Variants in HHAT observed in about 807,000 individuals in gnomAD.
HHAT encodes the protein hedgehog acyltransferase.
Under a neutral mutation model 70.8 loss-of-function variants are expected in HHAT, and 47 were observed. That is an observed-to-expected ratio of 0.66 (90% CI 0.53 to 0.85). The LOEUF (loss-of-function observed/expected upper bound fraction) is 0.85. Among genes scored for constraint, HHAT ranks in the 40% least tolerant of loss-of-function variants. The pLI is 0.00. For synonymous variants in HHAT, 228 were observed against 247.6 expected (o/e 0.92, Z 0.74); for missense variants, 609 against 604.8 (o/e 1.01, Z -0.07).
chr1:210,333,660 A>ATTT (rs572247937), intron 1 of HHAT, among the ~76,000 whole-genome samples: 5 of 145,320 alleles, frequency 3.4e-5, no homozygotes, highest in African/African-American at 1.3e-4. Context: ...TACTACTATG[A>ATTT]TTTTTTTTTT....
chr1:210,374,077 C>T (rs539186126), intron 3 of HHAT: 4 of 152,208 alleles, frequency 2.6e-5, no homozygotes, highest in Non-Finnish European at 5.9e-5. Flanking sequence ...TTTAAACAAA[C>T]AGTGACAATG....
chr1:210,580,184 A>G (rs1328933026), intron 9 of HHAT, among the ~76,000 whole-genome samples: 1 of 152,210 alleles, frequency 6.6e-6, no homozygotes, highest in African/African-American at 2.4e-5. Flanking sequence ...AGCCCAGCTC[A>G]AAATATTTTC....
intron 11 of HHAT, among the ~76,000 whole-genome samples, chr1:210,626,293 C>CGGTCTGCT (rs1558304460): frequency 6.6e-6 from 1 of 152,170 alleles, no homozygotes; most frequent in Non-Finnish European, 1.5e-5. Context: ...TCTGAAAACC[C>CGGTCTGCT]GGTCTGCTGC....
intron 9 of HHAT, among the ~76,000 whole-genome samples, chr1:210,566,992 C>T (rs1368895883): frequency 2.0e-5 from 3 of 152,230 alleles, no homozygotes; most frequent in Admixed American, 6.5e-5. Flanking sequence ...CCTCCCACCC[C>T]TTGATGCTTC....
At chr1:210,576,424 T>C (rs550269142) in intron 9 of HHAT, among the ~76,000 whole-genome samples, 1 of 150,338 alleles carries the variant, frequency 6.7e-6, no homozygotes, top group South Asian at 2.1e-4. Flanking sequence ...CCTGTACCCC[T>C]TTGGGGTGTG....
At chr1:210,384,081 G>GC (rs1014750111) in intron 3 of HHAT, among the ~76,000 whole-genome samples, 1 of 152,114 alleles carries the variant, frequency 6.6e-6, no homozygotes, top group East Asian at 1.9e-4. Context: ...CAAACACTAG[G>GC]CCCAGACCCT....
intron 3 of HHAT, among the ~76,000 whole-genome samples, chr1:210,376,820 A>G (rs1423511493): frequency 6.6e-6 from 1 of 152,206 alleles, no homozygotes; most frequent in Non-Finnish European, 1.5e-5. Context: ...CAGTGTGTAA[A>G]GTAGAAAGGT....
chr1:210,657,174 TCCACAGCCACCTACTGCA>T (rs1162302299), intron 11 of HHAT, among the ~76,000 whole-genome samples: 1 of 152,172 alleles, frequency 6.6e-6, no homozygotes, highest in Non-Finnish European at 1.5e-5. Context: ...GAGAAATGGC[TCCACAGCCACCTACTGCA>T]CCACAGGCAC....
At chr1:210,487,493 T>C (rs944265684) in intron 8 of HHAT, among the ~76,000 whole-genome samples, 1 of 152,154 alleles carries the variant, frequency 6.6e-6, no homozygotes, top group African/African-American at 2.4e-5. Context: ...CAGAGTCCCA[T>C]TCTCTTCCAA....
In HHAT at chr1:210,381,842, T is replaced by C. The variant is rs544512345; in HGVS notation, c.160-5626T>C. ...AGAACTGGTGGACTGAGCTAACTGA[T>C]GTGGCTACAGGGTGAATTTCTCTCA... On this transcript the variant is annotated intron_variant, in intron 3 of 11. Transcript: ENST00000261458. Among the ~76,000 whole-genome samples the C allele has an allele frequency of 5.1e-4, 78 of 152,064 alleles. 1 individual carries two copies. Among genetic ancestry groups the C allele is most frequent in the Non-Finnish European group, 8.2e-4 (56 of 68,016 alleles).
At chr1:210,569,066 T>C (rs576921839) in intron 9 of HHAT, among the ~76,000 whole-genome samples, 5 of 152,142 alleles carry the variant, frequency 3.3e-5, no homozygotes, top group African/African-American at 1.2e-4. Flanking sequence ...CCCCCACACA[T>C]GAGGTGTCAG....
intron 7 of HHAT, chr1:210,439,671 G>T (rs1464734965): frequency 6.6e-6 from 1 of 151,920 alleles, no homozygotes; most frequent in Non-Finnish European, 1.5e-5. Flanking sequence ...AGACAGTGAG[G>T]CGTGATGAGC....
At chr1:210,462,255 T>C (rs1188553349) in intron 7 of HHAT, 2 of 152,226 alleles carry the variant, frequency 1.3e-5, no homozygotes, top group Non-Finnish European at 2.9e-5. Context: ...CCATGCATAG[T>C]CTTCCATAGG....
intron 9 of HHAT, among the ~76,000 whole-genome samples, chr1:210,527,693 C>T (rs1447915574): frequency 6.6e-6 from 1 of 152,226 alleles, no homozygotes; most frequent in African/African-American, 2.4e-5. Context: ...TTGCTTTCTA[C>T]TGCAATTTCC....
At chr1:210,597,460 C>T (rs1014093542) in intron 10 of HHAT, among the ~76,000 whole-genome samples, 3 of 84,184 alleles carry the variant, frequency 3.6e-5, no homozygotes, top group Non-Finnish European at 6.5e-5. Context: ...AGATGCCATC[C>T]AGGAGCCAGG....
chr1:210,494,542 C>CTTTTTGTTTTTTTTTTTT (rs2094601417), intron 8 of HHAT, among the ~76,000 whole-genome samples: 1 of 82,850 alleles, frequency 1.2e-5, no homozygotes, highest in Non-Finnish European at 2.2e-5. Context: ...TTTGAAATAG[C>CTTTTTGTTTTTTTTTTTT]TTTTTTTTTT....
intron 9 of HHAT, among the ~76,000 whole-genome samples, chr1:210,521,616 TCAC>T (rs2095159368): frequency 2.0e-5 from 3 of 152,226 alleles, no homozygotes; most frequent in Non-Finnish European, 4.4e-5. Context: ...AGAAGTCTGC[TCAC>T]CATCATTTGA....
Position 210,567,902 on chromosome 1 carries a change from A to G in HHAT, c.1044-19996A>G, listed in dbSNP as rs141662964. On this transcript the variant is annotated intron_variant, in intron 9 of 11. Coordinates refer to ENST00000261458, the MANE Select transcript of HHAT (RefSeq NM_018194.6). ...TGTTAAGTGTGAAATTATGAAATAT[A>G]TATTTGATCTTCCTCCCAGTTTCCT... 2.6e-4 allele frequency among the ~76,000 whole-genome samples: 40 copies of G among 152,338 alleles called. No homozygotes were observed. In the East Asian group the frequency reaches 7.7e-3, roughly 29 times the overall value.
chr1:210,535,694 C>T lies in HHAT; in HGVS notation c.1043+22506C>T, dbSNP rs78669158. ...GTGTGTGTGCATGCGTGCATGCATGCGTGCATCCCTTCTTGTGCTGTATCT... is the reference window on the plus strand; with the variant it reads ...GTGTGTGTGCATGCGTGCATGCATGTGTGCATCCCTTCTTGTGCTGTATCT... On this transcript the variant is annotated intron_variant, in intron 9 of 11. Coordinates refer to ENST00000261458, the MANE Select transcript of HHAT (RefSeq NM_018194.6). Among the ~76,000 whole-genome samples the T allele has an allele frequency of 8.7e-3, 1,329 of 152,152 alleles. 25 individuals carry two copies. Among genetic ancestry groups the T allele is most frequent in the South Asian group, 0.067 (324 of 4,814 alleles).
Sources: allele counts gnomAD v4.1 joint callset (sites outside exome capture counted in the v4.1 genomes callset), GRCh38; gene constraint gnomAD v4.1.1; transcripts MANE v1.5; gene names NCBI Gene and HGNC (gene_info 2026-07-23, HGNC 2026-07-21).